CCDC175: variants seen among roughly 807,000 people sequenced by gnomAD.
The protein encoded by CCDC175 is coiled-coil domain containing 175, also known as coiled-coil domain-containing protein 175.
A neutral mutation model predicts 114.6 loss-of-function variants in CCDC175; 100 were observed. The observed-to-expected ratio is 0.87, with a 90% confidence interval of 0.74 to 1.03. The LOEUF is 1.03. CCDC175 is among the 50% of genes least tolerant of loss of function. The pLI is 0.00. For synonymous variants in CCDC175, 306 were observed against 308.7 expected (o/e 0.99, Z 0.09); for missense variants, 880 against 917.8 (o/e 0.96, Z 0.53).
chr14:59,508,374 A>C (rs1380073708), intron 19 of CCDC175, among the ~76,000 whole-genome samples: 1 of 144,132 alleles, frequency 6.9e-6, no homozygotes, highest in Non-Finnish European at 1.5e-5. Context: ...AGCCTGGTCA[A>C]CATGGCATAA....
At chr14:59,544,483 T>C (rs1018748877) in intron 9 of CCDC175, among the ~76,000 whole-genome samples, 2 of 152,158 alleles carry the variant, frequency 1.3e-5, no homozygotes, top group Non-Finnish European at 1.5e-5. Context: ...AAGTATTTTA[T>C]CTAAGTGACT....
At chr14:59,548,259 G>A (rs1895235814) in intron 8 of CCDC175, among the ~76,000 whole-genome samples, 1 of 152,148 alleles carries the variant, frequency 6.6e-6, no homozygotes. Context: ...ACTGAACTCA[G>A]AAGTAGAGAG....
chr14:59,565,400 A>G (rs932099751), intron 4 of CCDC175, 125 bp from the exon 5 acceptor site: 22 of 827,648 alleles, frequency 2.7e-5, no homozygotes, highest in African/African-American at 2.6e-4. Flanking sequence ...GACTGTGTTT[A>G]TGATTGTCTA....
intron 16 of CCDC175, among the ~76,000 whole-genome samples, chr14:59,523,600 T>A (rs1893545892): frequency 6.6e-6 from 1 of 152,160 alleles, no homozygotes; most frequent in South Asian, 2.1e-4. Flanking sequence ...ACACTTGGGG[T>A]ACATTGATAA....
intron 19 of CCDC175, chr14:59,510,396 T>C (rs1171880297): frequency 2.9e-6 from 1 of 347,962 alleles, no homozygotes; most frequent in Non-Finnish European, 5.3e-6. Flanking sequence ...ATGTTTAAAA[T>C]AAACTTTTTA....
chr14:59,517,128 G>A (rs1028587403), intron 17 of CCDC175, among the ~76,000 whole-genome samples: 9 of 152,144 alleles, frequency 5.9e-5, no homozygotes, highest in Non-Finnish European at 1.2e-4. Flanking sequence ...AGCCCTTCAT[G>A]CTAAAAACTC....
chr14:59,563,531 TA>T (rs1380548261), intron 6 of CCDC175, among the ~76,000 whole-genome samples: 1 of 152,136 alleles, frequency 6.6e-6, no homozygotes, highest in Admixed American at 6.5e-5. Flanking sequence ...AGTTTGTATC[TA>T]AGGCATTCCA....
At chr14:59,551,746 T>G (rs546918957) in intron 7 of CCDC175, among the ~76,000 whole-genome samples, 2 of 152,280 alleles carry the variant, frequency 1.3e-5, no homozygotes, top group South Asian at 4.1e-4. Flanking sequence ...AGACAGCACC[T>G]GGAAAATCCG....
intron 4 of CCDC175, among the ~76,000 whole-genome samples, chr14:59,567,281 C>T (rs934293022): frequency 1.3e-5 from 2 of 152,300 alleles, no homozygotes; most frequent in East Asian, 3.9e-4. Context: ...ATTTCTCAAA[C>T]TTATGTAATC....
intron 8 of CCDC175, among the ~76,000 whole-genome samples, chr14:59,550,166 C>T (rs1895379563): frequency 6.6e-6 from 1 of 152,130 alleles, no homozygotes; most frequent in Non-Finnish European, 1.5e-5. Flanking sequence ...ACCTAGGCCT[C>T]CCAAAGTGCT....
At chr14:59,525,174 T>C in intron 16 of CCDC175, 108 bp downstream of exon 16, 1 of 845,526 alleles carries the variant, frequency 1.2e-6, no homozygotes, top group Non-Finnish European at 1.7e-6. Context: ...TACTTTATGC[T>C]CCATTAAACA....
intron 13 of CCDC175, among the ~76,000 whole-genome samples, 168 bp downstream of exon 13, chr14:59,537,855 C>T (rs1376504315): frequency 2.6e-5 from 4 of 152,092 alleles, no homozygotes; most frequent in Non-Finnish European, 4.4e-5. Context: ...TTTCTTATTG[C>T]TCTGCTTCCT....
intron 18 of CCDC175, 105 bp from the exon 19 acceptor site, chr14:59,510,913 A>G (rs1892701754): frequency 1.0e-6 from 1 of 968,574 alleles, no homozygotes; most frequent in Admixed American, 2.6e-5. Context: ...TATATGCATA[A>G]TTGGTATCAG....
At chr14:59,537,457 G>A (rs912913571) in intron 13 of CCDC175, among the ~76,000 whole-genome samples, 3 of 152,172 alleles carry the variant, frequency 2.0e-5, no homozygotes, top group Non-Finnish European at 4.4e-5. Context: ...ATCAAGTTCA[G>A]GAAGGCTTCT....
chr14:59,547,422 G>C (rs1333705324), intron 8 of CCDC175, among the ~76,000 whole-genome samples: 1 of 152,156 alleles, frequency 6.6e-6, no homozygotes. Context: ...GAAGAACAAA[G>C]GTGAAGGATT....
chr14:59,525,511 A>T, intron 15 of CCDC175, 77 bp from the exon 16 acceptor site: 1 of 966,472 alleles, frequency 1.0e-6, no homozygotes, highest in Admixed American at 3.6e-5. Context: ...CCTAGGTCAC[A>T]TTTGGAGCCA....
At chr14:59,527,938 C>G (rs991640159) in intron 14 of CCDC175, among the ~76,000 whole-genome samples, 9 of 151,930 alleles carry the variant, frequency 5.9e-5, no homozygotes, top group African/African-American at 2.2e-4. Flanking sequence ...CAACCAGAAC[C>G]CTTTGTATTA....
intron 7 of CCDC175, among the ~76,000 whole-genome samples, chr14:59,558,601 A>G (rs1304805717): frequency 6.6e-6 from 1 of 152,166 alleles, no homozygotes; most frequent in Non-Finnish European, 1.5e-5. Context: ...AACTAGGTAA[A>G]TGGCGGTGCC....
intron 8 of CCDC175, 79 bp from the exon 9 acceptor site, chr14:59,545,378 G>A (rs965408145): frequency 3.1e-5 from 40 of 1,306,064 alleles, no homozygotes; most frequent in Non-Finnish European, 3.2e-5. Flanking sequence ...GTGGCAACTC[G>A]GAGAGCACCT....
Sources: allele counts gnomAD v4.1 joint callset (sites outside exome capture counted in the v4.1 genomes callset), GRCh38; gene constraint gnomAD v4.1.1; transcripts MANE v1.5; gene names NCBI Gene and HGNC (gene_info 2026-07-23, HGNC 2026-07-21).